Variants in CCNE1 observed in about 807,000 individuals in gnomAD.
The protein encoded by CCNE1 is G1/S-specific cyclin-E1.
Under a neutral mutation model 54.1 loss-of-function variants are expected in CCNE1, and 8 were observed. That is an observed-to-expected ratio of 0.15 (90% CI 0.09 to 0.27). The LOEUF (loss-of-function observed/expected upper bound fraction) is 0.27. CCNE1 is among the 10% of genes least tolerant of loss of function. CCNE1 has a pLI of 1.00. For missense variants in CCNE1, 430 were observed against 514.9 expected (o/e 0.84, Z 1.60); for synonymous variants, 179 against 185.2 (o/e 0.97, Z 0.27).
chr19:29,821,602 C>A, intron 7 of CCNE1, 120 bp from the exon 8 acceptor site: 27 of 292,794 alleles, frequency 9.2e-5, no homozygotes, highest in East Asian at 2.0e-4. Context: ...TGTGTTAATT[C>A]CATCAGTGCG....
At chr19:29,816,987 C>A in intron 4 of CCNE1, 150 bp from the exon 5 acceptor site, 2 of 772,800 alleles carry the variant, frequency 2.6e-6, no homozygotes, top group Non-Finnish European at 4.0e-6. Flanking sequence ...TGAGTTGTGA[C>A]AAAAAATATC....
In CCNE1 at chr19:29,823,953, G is replaced by T; in HGVS notation, c.*176G>T. ...CAGGGCAAAGTGTTTTTTATTGAAT[G>T]CTTATAGGTTTTTTTTAAATAAGTG... is the stretch of plus-strand genomic sequence containing the variant. On this transcript the variant is annotated 3_prime_UTR_variant, in exon 12 of 12. Transcript: ENST00000262643. 1 of 632,562 alleles carries T rather than the reference G, an allele frequency of 1.6e-6. No individual in the cohort carries two copies. The highest frequency in any genetic ancestry group is 2.4e-6 in the Non-Finnish European group (1 of 409,602). The allele number at this position is 632,562 out of a possible 1,614,324, so 39.2% of individuals were successfully genotyped here. A position where few individuals can be genotyped will look rare whatever the true frequency, so the allele number is the denominator to read the frequency against.
At chr19:29,813,096 G>A in intron 4 of CCNE1, 59 bp downstream of exon 4, 1 of 1,460,328 alleles carries the variant, frequency 6.8e-7, no homozygotes, top group Non-Finnish European at 9.6e-7. Flanking sequence ...GTCACATGGG[G>A]TTTCATGCTG....
intron 7 of CCNE1, 122 bp downstream of exon 7, chr19:29,820,970 C>G (rs1974133605): frequency 2.7e-6 from 2 of 737,004 alleles, no homozygotes; most frequent in Non-Finnish European, 4.5e-6. Flanking sequence ...ATTTGCTACC[C>G]TGTAAAGTTA....
Position 29,823,961 on chromosome 19 carries a change from G to T in CCNE1, c.*184G>T, listed in dbSNP as rs1372144185. On this transcript the variant is annotated 3_prime_UTR_variant, in exon 12 of 12. Coordinates refer to ENST00000262643, the MANE Select transcript of CCNE1 (RefSeq NM_001238.4). Reference sequence around the variant, plus strand: ...AGTGTTTTTTATTGAATGCTTATAGGTTTTTTTTAAATAAGTGGGTCAAGT... The same window carrying T: ...AGTGTTTTTTATTGAATGCTTATAGTTTTTTTTTAAATAAGTGGGTCAAGT... 3 of 585,008 alleles carry T rather than the reference G, an allele frequency of 5.1e-6. No homozygotes were observed. In the East Asian group the frequency reaches 9.7e-5, roughly 19 times the overall value. 36.2% of individuals were successfully genotyped at this position (585,008 alleles called of 1,614,324 possible).
At chr19:29,822,384 G>A (rs2145729483) in intron 10 of CCNE1, 33 bp downstream of exon 10, 1 of 1,613,712 alleles carries the variant, frequency 6.2e-7, no homozygotes, top group Non-Finnish European at 8.5e-7. Flanking sequence ...GCACAAACAA[G>A]GTGTACTAAG....
At chr19:29,812,451 G>C in intron 1 of CCNE1, 81 bp from the exon 2 acceptor site, 4 of 1,025,490 alleles carry the variant, frequency 3.9e-6, no homozygotes, top group Non-Finnish European at 4.9e-6. Flanking sequence ...TGGCTCGCCC[G>C]GCCGCCCGCG....
At chr19:29,815,732 G>A (rs1050867410) in intron 4 of CCNE1, among the ~76,000 whole-genome samples, 10 of 150,182 alleles carry the variant, frequency 6.7e-5, no homozygotes, top group Non-Finnish European at 1.5e-4. Context: ...AGGTTCAAGT[G>A]ATTCTCCTGC....
chr19:29,817,265 C>T lies in CCNE1; in HGVS notation c.309C>T (p.Ser103=), dbSNP rs2145721902. ...GGATTATTGCACCATCCAGAGGCTC[C>T]CCGCTGCCTGTACTGAGGTCAGTGC... is the stretch of plus-strand genomic sequence containing the variant. ...KPRIIAPSRG[S]PLPVLSWANR... is the part of the protein sequence containing the mutation. Residue 103 remains serine (S), a synonymous_variant, in exon 5 of 12, where the codon TCC becomes TCT. Transcript: ENST00000262643. 1.2e-6 allele frequency: 2 copies of T among 1,614,200 alleles called. No homozygotes were observed. The highest frequency in any genetic ancestry group is 1.7e-6 in the Non-Finnish European group (2 of 1,180,052).
intron 6 of CCNE1, among the ~76,000 whole-genome samples, chr19:29,818,273 G>A (rs901778700): frequency 1.3e-5 from 2 of 152,064 alleles, no homozygotes; most frequent in Non-Finnish European, 2.9e-5. Flanking sequence ...TGGTTTGCCC[G>A]CCTTGGCCTC....
chr19:29,821,955 T>A, intron 8 of CCNE1, 41 bp from the exon 9 acceptor site: 1 of 1,593,036 alleles, frequency 6.3e-7, no homozygotes, highest in South Asian at 1.1e-5. Flanking sequence ...TTGAACTTCT[T>A]TTCTCAATCA....
At chr19:29,813,347 CAGTT>C (rs35538222) in intron 4 of CCNE1, 86,766 of 342,960 alleles carry the variant, frequency 0.25, 12,871 homozygotes, top group Non-Finnish European at 0.31. Flanking sequence ...AACTGAGACT[CAGTT>C]AGAGGAAGAA....
rs1409433079 is a variant in CCNE1 at position 29,823,823 on chromosome 19, G to A, written c.*46G>A. ...AAAGACAGTTGCGCGCCTGCTCCAC[G>A]TTCTCTTCTGTCTGTTGCAGCGGAG... On this transcript the variant is annotated 3_prime_UTR_variant, in exon 12 of 12. Transcript: ENST00000262643. 6.4e-6 allele frequency: 10 copies of A among 1,561,202 alleles called. No homozygotes were observed. The highest frequency in any genetic ancestry group is 4.6e-5 in the East Asian group (2 of 43,524).
At chr19:29,815,644 G>A (rs185609275) in intron 4 of CCNE1, among the ~76,000 whole-genome samples, 2,623 of 137,172 alleles carry the variant, frequency 0.019, 60 homozygotes, top group African/African-American at 0.059. Flanking sequence ...TTTTTTTGGG[G>A]GGGGGACAGA....
intron 6 of CCNE1, 56 bp downstream of exon 6, chr19:29,817,597 T>C (rs1974055004): frequency 6.2e-7 from 1 of 1,602,882 alleles, no homozygotes; most frequent in Non-Finnish European, 8.5e-7. Flanking sequence ...TCCAGCATTT[T>C]TGTGTATTAG....
rs956311675 is a variant in CCNE1 at position 29,816,853 on chromosome 19, T to TC, written c.181-277dup. ...ATCTCCTAATGCTATCCCTCCCCCC[T>TC]CCCCCCCATTTTTGATCTTTTATAC... On this transcript the variant is annotated intron_variant, in intron 4 of 11. Coordinates refer to ENST00000262643, the MANE Select transcript of CCNE1 (RefSeq NM_001238.4). Among the ~76,000 whole-genome samples, 59 of 90,122 alleles carry TC rather than the reference T, an allele frequency of 6.5e-4. No individual in the cohort carries two copies. In the Middle Eastern group the frequency reaches 0.019, roughly 29 times the overall value. The allele number at this position is 90,122 out of a possible 152,430, so 59.1% of individuals were successfully genotyped here.
rs1271096750 is a variant in CCNE1 at position 29,816,852 on chromosome 19, CT to C, written c.181-284del. Among the ~76,000 whole-genome samples, 667 of 123,688 alleles carry C rather than the reference CT, an allele frequency of 5.4e-3. 20 individuals carry two copies. The East Asian group carries it at 0.079, about 15-fold the overall frequency. 81.1% of individuals were successfully genotyped at this position (123,688 alleles called of 152,430 possible). The stretch of plus-strand genomic sequence containing the variant: ...TATCTCCTAATGCTATCCCTCCCCC[CT>C]CCCCCCCATTTTTGATCTTTTATAC... On this transcript the variant is annotated intron_variant, in intron 4 of 11. Transcript: ENST00000262643.
intron 4 of CCNE1, among the ~76,000 whole-genome samples, chr19:29,814,007 T>C (rs1163982502): frequency 1.3e-5 from 2 of 152,084 alleles, no homozygotes; most frequent in African/African-American, 2.4e-5. Context: ...TCTGGAAGCG[T>C]GAAGGGTTTC....
intron 7 of CCNE1, 134 bp downstream of exon 7, chr19:29,820,982 G>A: frequency 1.5e-6 from 1 of 649,392 alleles, no homozygotes; most frequent in Non-Finnish European, 2.6e-6. Context: ...GTAAAGTTAA[G>A]ACACATGCCA....
Sources: allele counts gnomAD v4.1 joint callset (sites outside exome capture counted in the v4.1 genomes callset), GRCh38; gene constraint gnomAD v4.1.1; transcripts MANE v1.5; gene names NCBI Gene and HGNC (gene_info 2026-07-23, HGNC 2026-07-21).